TPD52L1: variants seen among roughly 807,000 people sequenced by gnomAD.
TPD52L1 encodes TPD52 like 1.
A neutral mutation model predicts 28.7 loss-of-function variants in TPD52L1; 18 were observed. That is an observed-to-expected ratio of 0.63 (90% CI 0.43 to 0.93). TPD52L1 has a LOEUF of 0.93. TPD52L1 is among the 40% of genes least tolerant of loss of function. The pLI is 0.00. For synonymous variants in TPD52L1, 75 were observed against 88.8 expected (o/e 0.84, Z 0.88); for missense variants, 203 against 254.8 (o/e 0.80, Z 1.39).
At chr6:125,226,699 T>C (rs1275625909) in intron 2 of TPD52L1, among the ~76,000 whole-genome samples, 3 of 149,466 alleles carry the variant, frequency 2.0e-5, no homozygotes, top group Non-Finnish European at 4.4e-5. Flanking sequence ...AGACTCCCAG[T>C]AATTTCAGTC....
intron 3 of TPD52L1, among the ~76,000 whole-genome samples, chr6:125,243,969 T>G (rs1405404910): frequency 6.6e-6 from 1 of 152,226 alleles, no homozygotes; most frequent in African/African-American, 2.4e-5. Context: ...TTAAAATTTT[T>G]TTTAACTTAA....
intron 1 of TPD52L1, among the ~76,000 whole-genome samples, chr6:125,214,797 T>C (rs1469017722): frequency 6.6e-6 from 1 of 152,222 alleles, no homozygotes; most frequent in East Asian, 1.9e-4. Context: ...TGTAGTTTGT[T>C]TGGAAATTTT....
chr6:125,248,936 C>A (rs1044530180), intron 4 of TPD52L1, among the ~76,000 whole-genome samples: 2 of 151,828 alleles, frequency 1.3e-5, no homozygotes, highest in African/African-American at 4.8e-5. Flanking sequence ...ATGAATTTAT[C>A]TCCCAGTGCG....
intron 1 of TPD52L1, among the ~76,000 whole-genome samples, chr6:125,160,775 T>A (rs1790467015): frequency 6.6e-6 from 1 of 152,160 alleles, no homozygotes; most frequent in Non-Finnish European, 1.5e-5. Flanking sequence ...CTTAGCCAGA[T>A]CTTCTGGAGA....
intron 3 of TPD52L1, among the ~76,000 whole-genome samples, chr6:125,240,681 C>T (rs947726655): frequency 2.0e-5 from 3 of 151,776 alleles, no homozygotes; most frequent in Non-Finnish European, 4.4e-5. Flanking sequence ...ATTTTGTATC[C>T]TGAAACTTTA....
At chr6:125,260,961 A>AAAG (rs1353972787) in intron 6 of TPD52L1, 1 of 41,848 alleles carries the variant, frequency 2.4e-5, no homozygotes, top group African/African-American at 2.4e-4. Context: ...AGAAAGAAAG[A>AAAG]AAGAAAGAAA....
rs149508371 is a variant in TPD52L1 at position 125,235,443 on chromosome 6, C to T, written c.284+6177C>T. ...GTTGCAAAAAATAAAAATAAAAACT[C>T]ATAATGATTTAAGGAAGTTTATGAG... On this transcript the variant is annotated intron_variant, in intron 3 of 6. Transcript: ENST00000534000. Among the ~76,000 whole-genome samples, 7 of 152,212 alleles carry T rather than the reference C, an allele frequency of 4.6e-5. No homozygotes were observed. In the East Asian group the frequency reaches 1.2e-3, roughly 25 times the overall value.
chr6:125,174,452 T>C (rs531674983), intron 1 of TPD52L1, among the ~76,000 whole-genome samples: 1 of 152,300 alleles, frequency 6.6e-6, no homozygotes, highest in South Asian at 2.1e-4. Context: ...TAGAAATAAA[T>C]ATGTAAGTTG....
At chr6:125,191,985 C>T (rs1793075624) in intron 1 of TPD52L1, among the ~76,000 whole-genome samples, 1 of 152,180 alleles carries the variant, frequency 6.6e-6, no homozygotes, top group Non-Finnish European at 1.5e-5. Context: ...ATGAAGGACC[C>T]TGACATATCT....
At position 125,239,697 on chromosome 6, in the gene TPD52L1, ATTTG is replaced by A. The variant is rs559487305; in HGVS notation, c.285-8580_285-8577del. Among the ~76,000 whole-genome samples, 452 of 151,956 alleles carry A rather than the reference ATTTG, an allele frequency of 3.0e-3. 2 individuals are homozygous for A. Among genetic ancestry groups the A allele is most frequent in the Non-Finnish European group, 5.4e-3 (364 of 67,922 alleles). On this transcript the variant is annotated intron_variant, in intron 3 of 6. Coordinates refer to ENST00000534000, the MANE Select transcript of TPD52L1 (RefSeq NM_003287.4). ...TGATGGGGTTGTTTTGTTCTTGCTG[ATTTG>A]TTTGAGTTTTGAGTTTCTTGTAGGT...
chr6:125,220,350 C>G (rs985540213), intron 2 of TPD52L1, among the ~76,000 whole-genome samples, 157 bp downstream of exon 2: 1 of 152,026 alleles, frequency 6.6e-6, no homozygotes, highest in African/African-American at 2.4e-5. Context: ...ATTCATTTTT[C>G]CAGGGTATTT....
At chr6:125,224,078 CTCTT>C (rs771856377) in intron 2 of TPD52L1, among the ~76,000 whole-genome samples, 73 of 151,752 alleles carry the variant, frequency 4.8e-4, no homozygotes, top group African/African-American at 1.4e-3. Flanking sequence ...CTCTCTCTCT[CTCTT>C]TAAGTACACT....
chr6:125,205,508 C>G (rs764975492), intron 1 of TPD52L1, among the ~76,000 whole-genome samples: 3 of 152,170 alleles, frequency 2.0e-5, no homozygotes, highest in Non-Finnish European at 4.4e-5. Flanking sequence ...TGGGTAAAAG[C>G]AGCCAGTTCA....
At chr6:125,258,962 C>G (rs1797759209) in intron 6 of TPD52L1, among the ~76,000 whole-genome samples, 1 of 152,202 alleles carries the variant, frequency 6.6e-6, no homozygotes. Context: ...TGTGTCAAAC[C>G]TCCCACTTCC....
chr6:125,219,889 G>A (rs1010224333), intron 1 of TPD52L1, 189 bp from the exon 2 acceptor site: 5 of 619,686 alleles, frequency 8.1e-6, no homozygotes, highest in Non-Finnish European at 1.5e-5. Flanking sequence ...TCTTTTTTTG[G>A]CTTCTTGGTA....
intron 1 of TPD52L1, among the ~76,000 whole-genome samples, chr6:125,195,930 G>T (rs1793405255): frequency 6.6e-6 from 1 of 152,160 alleles, no homozygotes; most frequent in Non-Finnish European, 1.5e-5. Context: ...TAAGCTTCAG[G>T]AGAGCAGAGG....
At position 125,263,241 on chromosome 6, in the gene TPD52L1, A is replaced by G. The variant is rs1798159208; in HGVS notation, c.*279A>G. The G allele has an allele frequency of 5.2e-6, 2 of 383,470 alleles. No homozygotes were observed. The highest frequency in any genetic ancestry group is 4.9e-5 in the East Asian group (1 of 20,528). 23.8% of individuals were successfully genotyped at this position (383,470 alleles called of 1,614,324 possible). On this transcript the variant is annotated 3_prime_UTR_variant, in exon 7 of 7. Transcript: ENST00000534000. ...AACTGGTCATAATTCCTGTCTGTGT[A>G]ATTCGATGTATATTTTTCCAAACAT...
chr6:125,246,018 G>A (rs1796902233), intron 3 of TPD52L1, among the ~76,000 whole-genome samples: 1 of 152,188 alleles, frequency 6.6e-6, no homozygotes, highest in Non-Finnish European at 1.5e-5. Flanking sequence ...TTCACCCCAT[G>A]ACCCCTCCCT....
At chr6:125,257,223 G>T in intron 6 of TPD52L1, 65 bp downstream of exon 6, 2 of 1,449,832 alleles carry the variant, frequency 1.4e-6, no homozygotes, top group South Asian at 1.2e-5. Context: ...CCATTGCTGC[G>T]GTTAGTTTAA....
Sources: gnomAD v4.1 joint callset for allele counts (sites outside exome capture counted in the v4.1 genomes callset) on GRCh38, gnomAD v4.1.1 for gene constraint, MANE v1.5 for transcripts, NCBI Gene and HGNC (gene_info 2026-07-23, HGNC 2026-07-21) for gene names.